BAZ2A: variants seen among roughly 807,000 people sequenced by gnomAD.
BAZ2A encodes the protein bromodomain adjacent to zinc finger domain protein 2A.
In BAZ2A, 34 loss-of-function variants were observed where a neutral mutation model predicts 199.9. That is an observed-to-expected ratio of 0.17 (90% CI 0.13 to 0.23). The LOEUF is 0.23. BAZ2A is among the 10% of genes least tolerant of loss of function. BAZ2A has a pLI of 1.00. For missense variants in BAZ2A, 2,002 were observed against 2,391.1 expected, an observed-to-expected ratio of 0.84 and a Z score of 3.39; for synonymous variants, 857 against 883.9, an observed-to-expected ratio of 0.97 and a Z score of 0.54.
Position 56,613,217 on chromosome 12 carries a change from T to G in BAZ2A, c.933A>C (p.Gly311=), listed in dbSNP as rs1159329863. Residue 311 remains glycine, a synonymous_variant, in exon 5 of 29, where the codon GGA becomes GGC. Transcript: ENST00000549884. ...NSLAPEPVSG[G]LYGIDDTELM... ...GCTCCGTGTCATCAATACCATATAG[T>G]CCTCCACTCACTGGCTCTGTTTACA... 1.9e-6 allele frequency: 3 copies of G among 1,613,674 alleles called. No individual in the cohort carries two copies. The Admixed American group carries it at 5.0e-5, about 27-fold the overall frequency.
upstream of BAZ2A, chr12:56,630,347 G>A: frequency 1.1e-6 from 1 of 919,168 alleles, no homozygotes; most frequent in Non-Finnish European, 1.3e-6. Context: ...CGGAGGGGGC[G>A]GAGAAGCCTC....
In BAZ2A at chr12:56,636,126, C is replaced by T. The variant is rs1951443898; in HGVS notation, c.4+56G>A. 5 of 1,541,768 alleles carry T rather than the reference C, an allele frequency of 3.2e-6. No homozygotes were observed. In the East Asian group the frequency reaches 7.2e-5, roughly 22 times the overall value. The stretch of plus-strand genomic sequence containing the variant: ...TTAGGCCCCACCCCTGCTGAGTCAG[C>T]CAGGGAGGGAGTAGGCATCCCTCAG... On this transcript the variant is annotated intron_variant, in intron 1 of 29. Transcript: ENST00000379441.
chr12:56,611,664 T>A, intron 6 of BAZ2A, 31 bp from the exon 7 acceptor site: 1 of 1,577,138 alleles, frequency 6.3e-7, no homozygotes, highest in Middle Eastern at 1.7e-4. Flanking sequence ...AAGTTAAGAG[T>A]TCAAGCAAAA....
Position 56,601,672 on chromosome 12 carries a change from A to G in BAZ2A, c.3945T>C (p.Pro1315=). ...TGTTAAACCAGAGTGCTTGAGGATC[A>G]GGGCTGGATTCTGCCTCATCAGGCT... ...EPEPDEAESS[P]DPQALWFNIS... is the part of the protein sequence containing the mutation. Residue 1315 remains proline (P), a synonymous_variant, in exon 20 of 29, where the codon CCT becomes CCC. Coordinates refer to ENST00000549884, the MANE Select transcript of BAZ2A (RefSeq NM_001300905.2). The G allele has an allele frequency of 6.2e-7, 1 of 1,613,990 alleles. No individual in the cohort carries two copies. The highest frequency in any genetic ancestry group is 8.5e-7 in the Non-Finnish European group (1 of 1,179,878).
Position 56,599,303 on chromosome 12 carries a change from C to T in BAZ2A, c.5228G>A (p.Arg1743Gln), listed in dbSNP as rs373446671. The change falls in exon 27 of 29, where the codon CGG becomes CAG. Residue 1743 changes from arginine to glutamine, a missense_variant. Around this residue, in one of 6 missense-constraint regions of BAZ2A, gnomAD observed 122 missense variants for 123.0 expected, o/e 0.99. Transcript: ENST00000549884. ...GAAGTTCAGCGAATAACCACTTTTCCGCTTCTGGCCACGCTTTGGGAAACC... is the reference window on the plus strand; with the variant it reads ...GAAGTTCAGCGAATAACCACTTTTCTGCTTCTGGCCACGCTTTGGGAAACC... ...KPGFPKRGQK[R>Q]KSGYSLNFSE... 1.4e-5 allele frequency: 23 copies of T among 1,613,464 alleles called. No homozygotes were observed. In the Admixed American group the frequency reaches 1.5e-4, roughly 11 times the overall value.
At chr12:56,620,098 CCTGGACCACA>C (rs1020379445) in intron 1 of BAZ2A, among the ~76,000 whole-genome samples, 5 of 151,788 alleles carry the variant, frequency 3.3e-5, no homozygotes, top group African/African-American at 1.2e-4. Flanking sequence ...TTTTGGCTTC[CCTGGACCACA>C]CTGGAAGAAG....
intron 10 of BAZ2A, among the ~76,000 whole-genome samples, chr12:56,607,354 TTC>T (rs1950395080): frequency 6.6e-6 from 1 of 152,168 alleles, no homozygotes; most frequent in African/African-American, 2.4e-5. Context: ...TAATTGATGT[TTC>T]TGACATGACT....
At position 56,609,721 on chromosome 12, in the gene BAZ2A, G is replaced by A; in HGVS notation, c.2092+15C>T. 6.2e-7 allele frequency: 1 copy of A among 1,610,150 alleles called. No homozygotes were observed. The highest frequency in any genetic ancestry group is 8.5e-7 in the Non-Finnish European group (1 of 1,177,234). On this transcript the variant is annotated intron_variant, in intron 10 of 28. Coordinates refer to ENST00000549884, the MANE Select transcript of BAZ2A (RefSeq NM_001300905.2). ...TGGAGGGAGCAGAATCCCAAAGTAAGAAATACCACTGTACCTTGGGCCTCC... is the reference window on the plus strand; with the variant it reads ...TGGAGGGAGCAGAATCCCAAAGTAAAAAATACCACTGTACCTTGGGCCTCC...
intron 14 of BAZ2A, 87 bp from the exon 15 acceptor site, chr12:56,604,886 G>T: frequency 6.8e-7 from 1 of 1,463,466 alleles, no homozygotes; most frequent in Middle Eastern, 1.8e-4. Flanking sequence ...TACATCAGAA[G>T]AGAACTATGG....
chr12:56,621,141 C>T (rs1950909625), intron 1 of BAZ2A: 1 of 985,362 alleles, frequency 1.0e-6, no homozygotes, highest in Non-Finnish European at 1.2e-6. Flanking sequence ...AGGATACATG[C>T]AACTTCCATC....
intron 10 of BAZ2A, among the ~76,000 whole-genome samples, chr12:56,608,794 C>A (rs1035022564): frequency 6.6e-6 from 1 of 151,310 alleles, no homozygotes; most frequent in African/African-American, 2.4e-5. Context: ...GTCTTGAACT[C>A]CCGACCTCAG....
chr12:56,612,557 C>T (rs1950591200), intron 5 of BAZ2A, among the ~76,000 whole-genome samples: 1 of 152,200 alleles, frequency 6.6e-6, no homozygotes, highest in Admixed American at 6.5e-5. Context: ...GTATAGCAGC[C>T]TATACCTCTT....
chr12:56,629,221 G>C (rs778474534), intron 1 of BAZ2A, among the ~76,000 whole-genome samples: 1 of 152,176 alleles, frequency 6.6e-6, no homozygotes, highest in African/African-American at 2.4e-5. Flanking sequence ...GGGGCTGTTT[G>C]TGTACAGATA....
At chr12:56,636,466 G>C (rs756063460), upstream of BAZ2A, 2 of 1,046,472 alleles carry the variant, frequency 1.9e-6, no homozygotes, top group Admixed American at 3.4e-5. Context: ...GGAGAAATAT[G>C]GAGGAAGGTT....
At chr12:56,629,597 C>T (rs1951226863) in intron 1 of BAZ2A, among the ~76,000 whole-genome samples, 1 of 152,166 alleles carries the variant, frequency 6.6e-6, no homozygotes, top group South Asian at 2.1e-4. Context: ...TCCTGATCTT[C>T]ACGCTCAAGA....
upstream of BAZ2A, chr12:56,634,961 CCGCAGGCGG>C: frequency 1.0e-6 from 1 of 984,986 alleles, no homozygotes; most frequent in African/African-American, 1.7e-5. Context: ...CAGGGCCGGG[CCGCAGGCGG>C]CGGCGGCGGC....
At chr12:56,609,998 G>A (rs1378887935) in intron 9 of BAZ2A, 52 bp from the exon 10 acceptor site, 11 of 1,604,866 alleles carry the variant, frequency 6.9e-6, no homozygotes, top group South Asian at 1.1e-5. Flanking sequence ...TGCAGGCCAC[G>A]AGGCCCTCGG....
At chr12:56,605,798 T>A in intron 13 of BAZ2A, 32 bp downstream of exon 13, 8 of 1,567,368 alleles carry the variant, frequency 5.1e-6, no homozygotes, top group Non-Finnish European at 6.9e-6. Flanking sequence ...TCTTCCCAGC[T>A]GACCCAGGAA....
At position 56,599,339 on chromosome 12, in the gene BAZ2A, G is replaced by T; in HGVS notation, c.5192C>A (p.Thr1731Asn). The change falls in exon 27 of 29, where the codon ACT becomes AAT. Residue 1731 changes from threonine (T) to asparagine (N), a missense_variant. Thr to Asn is a moderately conservative substitution (Grantham distance 65). This residue lies in a region of BAZ2A where 122 missense variants were observed against 123.0 expected (regional missense o/e 0.99). Coordinates refer to ENST00000549884, the MANE Select transcript of BAZ2A (RefSeq NM_001300905.2). ...CLAQQVEGEF[T>N]QKPGFPKRGQ... is the part of the protein sequence containing the mutation. ...ACGCTTTGGGAAACCAGGCTTCTGA[G>T]TGAATTCTCCCTCCACCTGCTTAGT... The T allele has an allele frequency of 6.2e-7, 1 of 1,613,210 alleles. No homozygotes were observed.
Sources: allele counts gnomAD v4.1 joint callset (sites outside exome capture counted in the v4.1 genomes callset), GRCh38; gene constraint gnomAD v4.1.1; regional missense constraint gnomAD v4.1.1; transcripts MANE v1.5; gene names NCBI Gene and HGNC (gene_info 2026-07-23, HGNC 2026-07-21).